The following IRAK2 variants were observed in gnomAD, a reference collection of about 807,000 sequenced individuals.
IRAK2 encodes the protein interleukin 1 receptor associated kinase 2.
Under a neutral mutation model 72.0 loss-of-function variants are expected in IRAK2, and 57 were observed. The observed-to-expected ratio is 0.79, with a 90% CI of 0.64 to 0.99. The LOEUF is 0.99. IRAK2 is among the 50% of genes least tolerant of loss of function. The pLI is 0.00. For synonymous variants in IRAK2, 293 were observed against 312.7 expected (o/e 0.94, Z 0.67); for missense variants, 790 against 794.4 (o/e 0.99, Z 0.07).
At position 10,238,834 on chromosome 3, in the gene IRAK2, C is replaced by G. The variant is rs1698008404; in HGVS notation, c.1560C>G (p.Gly520=). 1 of 1,613,908 alleles carries G rather than the reference C, an allele frequency of 6.2e-7. No homozygotes were observed. Among genetic ancestry groups the G allele is most frequent in the Admixed American group, 1.7e-5 (1 of 59,990 alleles). ...LPWSGLSEGT[G]SSSNTPEETD... is the part of the protein sequence containing the mutation. ...GGAGTGGGCTTTCTGAGGGTACAGG[C>G]TCTTCTTCCAACACCCCAGAGGAAA... The change falls in exon 12 of 13, where the codon GGC becomes GGG. Residue 520 remains glycine (G), a synonymous_variant. Transcript: ENST00000256458.
intron 11 of IRAK2, among the ~76,000 whole-genome samples, chr3:10,236,813 A>G (rs1697967306): frequency 6.6e-6 from 1 of 152,254 alleles, no homozygotes; most frequent in Non-Finnish European, 1.5e-5. Flanking sequence ...TATAACAAGG[A>G]GACTGCAAAA....
Position 10,231,695 on chromosome 3 carries a change from A to T in IRAK2, c.1273-2764A>T, listed in dbSNP as rs189503835. 2.0e-3 allele frequency among the ~76,000 whole-genome samples: 308 copies of T among 152,184 alleles called. 6 individuals carry two copies. In the South Asian group the frequency reaches 0.044, roughly 22 times the overall value. ...TTTTTCATTTTTAAAAAAAAATTTT[A>T]TGTGGAGATGGGATGTCACTTTGTT... is the stretch of plus-strand genomic sequence containing the variant. On this transcript the variant is annotated intron_variant, in intron 10 of 12. Coordinates refer to ENST00000256458, the MANE Select transcript of IRAK2 (RefSeq NM_001570.4).
chr3:10,174,567 C>T lies in IRAK2; in HGVS notation c.95-3271C>T, dbSNP rs535033679. Among the ~76,000 whole-genome samples the T allele has an allele frequency of 1.5e-3, 230 of 152,156 alleles. 1 individual carries two copies. The highest frequency in any genetic ancestry group is 2.8e-3 in the Non-Finnish European group (189 of 68,024). ...TGAGATGGAGTCTCACTCTGTTGCC[C>T]ACGCTGGAGTGCAGTGGCGTGATCT... On this transcript the variant is annotated intron_variant, in intron 1 of 12. Coordinates refer to ENST00000256458, the MANE Select transcript of IRAK2 (RefSeq NM_001570.4).
rs17032579 is a variant in IRAK2 at position 10,242,017 on chromosome 3, C to G, written c.1766-99C>G. 7,012 of 649,528 alleles carry G rather than the reference C, an allele frequency of 0.011. 354 individuals are homozygous for G. The African/African-American group carries it at 0.12, about 11-fold the overall frequency. The allele number at this position is 649,528 out of a possible 1,614,324, so 40.2% of individuals were successfully genotyped here. A position where few individuals can be genotyped will look rare whatever the true frequency, so the allele number is the denominator to read the frequency against. On this transcript the variant is annotated intron_variant, in intron 12 of 12. Coordinates refer to ENST00000256458, the MANE Select transcript of IRAK2 (RefSeq NM_001570.4). Reference sequence around the variant, plus strand: ...AAAAAAAAGAAATGCTCATTACACTCAGGGCCTGATTCAGAAACCTGATTT... The same window carrying G: ...AAAAAAAAGAAATGCTCATTACACTGAGGGCCTGATTCAGAAACCTGATTT...
At chr3:10,165,897 A>AT (rs1261918086) in intron 1 of IRAK2, among the ~76,000 whole-genome samples, 1 of 151,904 alleles carries the variant, frequency 6.6e-6, no homozygotes, top group Non-Finnish European at 1.5e-5. Flanking sequence ...CGCCCGGCTA[A>AT]CTTTGTATTC....
intron 1 of IRAK2, among the ~76,000 whole-genome samples, chr3:10,175,229 T>C (rs1315642952): frequency 1.3e-5 from 2 of 152,134 alleles, no homozygotes; most frequent in Non-Finnish European, 2.9e-5. Context: ...GTTCAAGTGA[T>C]TTCTCCTACC....
intron 11 of IRAK2, 24 bp downstream of exon 11, chr3:10,234,683 C>T (rs374076633): frequency 1.2e-4 from 199 of 1,603,814 alleles, no homozygotes; most frequent in Non-Finnish European, 1.6e-4. Flanking sequence ...GCAGCGGCCT[C>T]GCTGCCTGGG....
intron 2 of IRAK2, among the ~76,000 whole-genome samples, chr3:10,195,695 C>A (rs1380096313): frequency 6.6e-6 from 1 of 152,120 alleles, no homozygotes; most frequent in African/African-American, 2.4e-5. Context: ...GGATCATGGG[C>A]GGTTCTGGGT....
At position 10,200,447 on chromosome 3, in the gene IRAK2, C is replaced by T; in HGVS notation, c.356C>T (p.Ser119Phe). ...SVKPEKPLAASVRKAEDEQEE... is the reference protein window; with the variant it reads ...SVKPEKPLAAFVRKAEDEQEE... ...AAGCCAGAAAAGCCTTTGGCAGCTT[C>T]TGTAAGAAAGGCTGAGGATGAACAG... The change falls in exon 3 of 13, where the codon TCT becomes TTT. Residue 119 changes from serine to phenylalanine, a missense_variant. By Grantham distance (155) the Ser-to-Phe change is radical. Coordinates refer to ENST00000256458, the MANE Select transcript of IRAK2 (RefSeq NM_001570.4). The T allele has an allele frequency of 6.2e-7, 1 of 1,608,866 alleles. No individual in the cohort carries two copies.
intron 11 of IRAK2, among the ~76,000 whole-genome samples, chr3:10,235,347 C>T (rs890285272): frequency 6.6e-6 from 1 of 151,892 alleles, no homozygotes; most frequent in African/African-American, 2.4e-5. Context: ...CCTTCTGTCG[C>T]CCAGGCTGGA....
intron 1 of IRAK2, among the ~76,000 whole-genome samples, chr3:10,166,969 C>T (rs890578978): frequency 2.6e-5 from 4 of 152,170 alleles, no homozygotes; most frequent in Non-Finnish European, 5.9e-5. Context: ...TGAATGTTTC[C>T]TGGGCAGTGA....
At chr3:10,199,742 G>A (rs375146247) in intron 2 of IRAK2, among the ~76,000 whole-genome samples, 19 of 152,238 alleles carry the variant, frequency 1.2e-4, no homozygotes, top group African/African-American at 4.3e-4. Flanking sequence ...TATCACCTCC[G>A]TTTTATAGGT....
chr3:10,219,891 T>C lies in IRAK2; in HGVS notation c.1013+102T>C. The C allele has an allele frequency of 1.2e-5, 9 of 749,372 alleles. No individual in the cohort carries two copies. The South Asian group carries it at 1.4e-4, about 12-fold the overall frequency. The allele number at this position is 749,372 out of a possible 1,614,324, so 46.4% of individuals were successfully genotyped here. A position where few individuals can be genotyped will look rare whatever the true frequency, so the allele number is the denominator to read the frequency against. Reference sequence around the variant, plus strand: ...CGCTCCGCCACTCACCCCTGTCCTCTTTGTTTTTCTCTTCCTACCTCCTCT... The same window carrying C: ...CGCTCCGCCACTCACCCCTGTCCTCCTTGTTTTTCTCTTCCTACCTCCTCT... On this transcript the variant is annotated intron_variant, in intron 8 of 12. Coordinates refer to ENST00000256458, the MANE Select transcript of IRAK2 (RefSeq NM_001570.4).
intron 12 of IRAK2, among the ~76,000 whole-genome samples, chr3:10,239,978 C>A (rs1277862700): frequency 3.3e-5 from 5 of 151,124 alleles, no homozygotes; most frequent in Non-Finnish European, 5.9e-5. Context: ...GAAACCCTGT[C>A]TCTACTAAAA....
rs566958835 is a variant in IRAK2, at chr3:10,183,148, G to A, written c.277+5128G>A. Among the ~76,000 whole-genome samples, 11 of 152,312 alleles carry A rather than the reference G, an allele frequency of 7.2e-5. No homozygotes were observed. The East Asian group carries it at 1.2e-3, about 16-fold the overall frequency. The stretch of plus-strand genomic sequence containing the variant: ...TACTTGAAAGCCCCACACACCAGAA[G>A]TCCTGGACATGAAGTGGCTTCCTGA... On this transcript the variant is annotated intron_variant, in intron 2 of 12. Transcript: ENST00000256458.
At chr3:10,170,779 C>T (rs927599845) in intron 1 of IRAK2, among the ~76,000 whole-genome samples, 7 of 152,216 alleles carry the variant, frequency 4.6e-5, no homozygotes, top group African/African-American at 1.4e-4. Context: ...TTGGAGCTGG[C>T]CTGGAGCCTT....
intron 11 of IRAK2, among the ~76,000 whole-genome samples, chr3:10,237,020 A>G (rs1311267501): frequency 1.3e-5 from 2 of 152,218 alleles, no homozygotes; most frequent in African/African-American, 4.8e-5. Flanking sequence ...CACACCTGCA[A>G]TCCAGCCAGT....
At chr3:10,195,548 CAAAA>C (rs553829037) in intron 2 of IRAK2, among the ~76,000 whole-genome samples, 8 of 125,742 alleles carry the variant, frequency 6.4e-5, no homozygotes, top group Non-Finnish European at 1.4e-4. Flanking sequence ...CACCCTGTCT[CAAAA>C]AAAAAAAAAA....
At chr3:10,239,680 T>C (rs1333128824) in intron 12 of IRAK2, among the ~76,000 whole-genome samples, 3 of 151,626 alleles carry the variant, frequency 2.0e-5, no homozygotes, top group Non-Finnish European at 4.4e-5. Flanking sequence ...TGAGCCAAGA[T>C]TGTGCCACTG....
Sources: gnomAD v4.1 joint callset for allele counts (sites outside exome capture counted in the v4.1 genomes callset) on GRCh38, gnomAD v4.1.1 for gene constraint, MANE v1.5 for transcripts, NCBI Gene and HGNC (gene_info 2026-07-23, HGNC 2026-07-21) for gene names.